PDGFRL: variants seen among roughly 807,000 people sequenced by gnomAD.
PDGFRL encodes the protein platelet derived growth factor receptor like, also known as platelet-derived growth factor receptor-like protein.
Under a neutral mutation model 37.2 loss-of-function variants are expected in PDGFRL, and 46 were observed. The ratio of observed to expected loss-of-function variants is 1.24; its 90% CI spans 0.98 to 1.58. PDGFRL has a LOEUF of 1.58. Among genes scored for constraint, PDGFRL ranks in the 40% most tolerant of loss-of-function variants. The pLI, the probability that PDGFRL is intolerant of heterozygous loss-of-function variation, is 0.00. For missense variants in PDGFRL, 692 were observed against 467.6 expected, an observed-to-expected ratio of 1.48 and a Z score of -4.43; for synonymous variants, 251 against 184.3, an observed-to-expected ratio of 1.36 and a Z score of -2.93.
chr8:17,577,098 T>TAAAAAAAAAAAAAAAAAAAAAAAAAA (rs1803600196), upstream of PDGFRL: 1 of 699,596 alleles, frequency 1.4e-6, no homozygotes, highest in African/African-American at 4.2e-5. Flanking sequence ...AAAAAAAAAT[T>TAAAAAAAAAAAAAAAAAAAAAAAAAA]CCCCAACTTT....
chr8:17,616,039 G>A (rs1212743795), intron 2 of PDGFRL, among the ~76,000 whole-genome samples: 4 of 152,212 alleles, frequency 2.6e-5, no homozygotes, highest in African/African-American at 9.6e-5. Context: ...GTTACTACAA[G>A]TCTGAAGAGT....
At chr8:17,582,068 A>G (rs1803719289) in intron 1 of PDGFRL, among the ~76,000 whole-genome samples, 1 of 152,202 alleles carries the variant, frequency 6.6e-6, no homozygotes, top group South Asian at 2.1e-4. Flanking sequence ...TGATAGAAAT[A>G]TAGACAGTAA....
intron 4 of PDGFRL, among the ~76,000 whole-genome samples, chr8:17,633,251 C>CA (rs535761482): frequency 2.2e-4 from 33 of 152,182 alleles, no homozygotes; most frequent in Admixed American, 5.2e-4. Flanking sequence ...CAACATAGAC[C>CA]AAAAAAACTG....
intron 4 of PDGFRL, among the ~76,000 whole-genome samples, chr8:17,631,050 T>C (rs1394662272): frequency 6.6e-6 from 1 of 151,874 alleles, no homozygotes; most frequent in African/African-American, 2.4e-5. Context: ...CTTCTCGAAG[T>C]CCCCCACCCT....
intron 4 of PDGFRL, among the ~76,000 whole-genome samples, chr8:17,631,250 T>C (rs543521082): frequency 1.3e-5 from 2 of 152,138 alleles, no homozygotes; most frequent in African/African-American, 4.8e-5. Flanking sequence ...ATAGTTTCTC[T>C]TCTGGCACTG....
chr8:17,584,834 C>T (rs915688485), intron 1 of PDGFRL, among the ~76,000 whole-genome samples: 69 of 151,468 alleles, frequency 4.6e-4, no homozygotes, highest in Non-Finnish European at 1.6e-4. Flanking sequence ...CGGAGTGAGT[C>T]CATAGAAGTA....
chr8:17,614,836 T>C (rs562644043), intron 2 of PDGFRL, among the ~76,000 whole-genome samples: 1 of 152,332 alleles, frequency 6.6e-6, no homozygotes, highest in Non-Finnish European at 1.5e-5. Context: ...TTTATCTACC[T>C]GAGGCACCCT....
At chr8:17,586,430 A>G (rs911166579) in intron 1 of PDGFRL, among the ~76,000 whole-genome samples, 2 of 152,188 alleles carry the variant, frequency 1.3e-5, no homozygotes, top group Non-Finnish European at 2.9e-5. Context: ...ATTTGTGCAA[A>G]TAAAGTGAAA....
chr8:17,605,199 A>G (rs1255727556), intron 2 of PDGFRL, among the ~76,000 whole-genome samples: 2 of 152,120 alleles, frequency 1.3e-5, no homozygotes, highest in Non-Finnish European at 2.9e-5. Flanking sequence ...GCTGAGTAAT[A>G]TAAACCGCAT....
At chr8:17,612,074 A>C (rs1804428604) in intron 2 of PDGFRL, among the ~76,000 whole-genome samples, 1 of 152,176 alleles carries the variant, frequency 6.6e-6, no homozygotes, top group Non-Finnish European at 1.5e-5. Flanking sequence ...CTGCACTCCA[A>C]ATGATGTGTT....
At chr8:17,637,403 C>T (rs951668945) in intron 5 of PDGFRL, among the ~76,000 whole-genome samples, 4 of 151,928 alleles carry the variant, frequency 2.6e-5, no homozygotes, top group African/African-American at 9.7e-5. Flanking sequence ...TATGTTAAAC[C>T]ACCCCAGTAT....
At position 17,589,704 on chromosome 8, in the gene PDGFRL, G is replaced by T. The variant is rs370415469; in HGVS notation, c.292G>T (p.Gly98Trp). Residue 98 changes from glycine to tryptophan, a missense_variant, in exon 2 of 6, where the codon GGG (glycine) becomes TGG (tryptophan). Transcript: ENST00000251630. ...GCAAACTGTAGAGCTTCGATGTAAA[G>T]GGAGTAGAATTGGGTGGAGCTACCC... ...AGQTVELRCK[G>W]SRIGWSYPAY... 5.6e-6 allele frequency: 9 copies of T among 1,613,474 alleles called. No homozygotes were observed. The highest frequency in any genetic ancestry group is 1.7e-5 in the Admixed American group (1 of 60,012).
chr8:17,606,080 C>G (rs1475782029), intron 2 of PDGFRL, among the ~76,000 whole-genome samples: 1 of 152,118 alleles, frequency 6.6e-6, no homozygotes, highest in Non-Finnish European at 1.5e-5. Context: ...GGAGAAATAT[C>G]TTAAGTGGTT....
chr8:17,629,171 C>A (rs1804808988), intron 4 of PDGFRL, among the ~76,000 whole-genome samples: 1 of 150,030 alleles, frequency 6.7e-6, no homozygotes, highest in Non-Finnish European at 1.5e-5. Flanking sequence ...CTTAAACAAT[C>A]CTTTGATCTT....
upstream of PDGFRL, chr8:17,576,996 C>G: frequency 1.8e-6 from 1 of 564,750 alleles, no homozygotes. Flanking sequence ...ACATTTCACG[C>G]TTAGCCTTTC....
chr8:17,630,276 AGT>A (rs1341360888), intron 4 of PDGFRL, among the ~76,000 whole-genome samples: 2 of 152,238 alleles, frequency 1.3e-5, no homozygotes, highest in Non-Finnish European at 2.9e-5. Context: ...AAACATGATC[AGT>A]CTCTCAATTA....
At chr8:17,579,009 C>T (rs976643955) in intron 1 of PDGFRL, among the ~76,000 whole-genome samples, 1 of 152,054 alleles carries the variant, frequency 6.6e-6, no homozygotes. Flanking sequence ...ACCAGCCTGG[C>T]CAAGATGGTG....
chr8:17,615,703 C>A (rs1404899995), intron 2 of PDGFRL, among the ~76,000 whole-genome samples: 1 of 151,994 alleles, frequency 6.6e-6, no homozygotes, highest in Non-Finnish European at 1.5e-5. Context: ...TTGCTTGAGG[C>A]CAGGAATTCA....
At chr8:17,631,323 A>G (rs1804856866) in intron 4 of PDGFRL, among the ~76,000 whole-genome samples, 2 of 152,050 alleles carry the variant, frequency 1.3e-5, no homozygotes, top group African/African-American at 4.8e-5. Flanking sequence ...GGAGAGTGGT[A>G]CGTGTGGGCA....
Sources: gnomAD v4.1 joint callset for allele counts (sites outside exome capture counted in the v4.1 genomes callset) on GRCh38, gnomAD v4.1.1 for gene constraint, MANE v1.5 for transcripts, NCBI Gene and HGNC (gene_info 2026-07-23, HGNC 2026-07-21) for gene names.